The following RELN variants were observed in gnomAD, a reference collection of about 807,000 sequenced individuals.
The protein encoded by RELN is reelin.
Under a neutral mutation model 427.6 loss-of-function variants are expected in RELN, and 108 were observed. That is an observed-to-expected ratio of 0.25 (90% CI 0.22 to 0.30). The LOEUF is 0.30. Among genes scored for constraint, RELN ranks in the 10% least tolerant of loss-of-function variants. RELN has a pLI of 1.00. For synonymous variants in RELN, 1,524 were observed against 1,513.4 expected (o/e 1.01, Z -0.16); for missense variants, 3,715 against 4,302.8 (o/e 0.86, Z 3.82).
chr7:103,576,864 G>A (rs1831015174), intron 28 of RELN, among the ~76,000 whole-genome samples: 1 of 152,128 alleles, frequency 6.6e-6, no homozygotes, highest in Non-Finnish European at 1.5e-5. Flanking sequence ...CAATAGTTTT[G>A]AGGTTGCCAA....
At chr7:103,947,290 A>G (rs529995108) in intron 1 of RELN, among the ~76,000 whole-genome samples, 81 of 152,306 alleles carry the variant, frequency 5.3e-4, no homozygotes, top group African/African-American at 1.9e-3. Flanking sequence ...GGTTCCCTTC[A>G]AAGTAATCAT....
At chr7:103,723,217 TAAGAC>T (rs769721971) in intron 7 of RELN, 26 bp from the exon 8 acceptor site, 8 of 1,432,356 alleles carry the variant, frequency 5.6e-6, no homozygotes, top group Admixed American at 3.4e-5. Flanking sequence ...TACATAAAAA[TAAGAC>T]AAGACAGAGA....
intron 11 of RELN, among the ~76,000 whole-genome samples, chr7:103,668,748 T>G (rs1262938272): frequency 6.6e-6 from 1 of 152,220 alleles, no homozygotes; most frequent in African/African-American, 2.4e-5. Flanking sequence ...GAGCCTCTCT[T>G]GACGCATACA....
At chr7:103,915,095 A>T (rs1209077729) in intron 2 of RELN, among the ~76,000 whole-genome samples, 1 of 151,556 alleles carries the variant, frequency 6.6e-6, no homozygotes, top group Non-Finnish European at 1.5e-5. Context: ...AAGTCCAGCC[A>T]CTCCAAGGTT....
rs146922726 is a variant in RELN at position 103,697,995 on chromosome 7, C to A, written c.1001G>T (p.Arg334Leu). The change falls in exon 10 of 65, where the codon CGT (arginine) becomes CTT (leucine). Residue 334 changes from arginine (R) to leucine (L), a missense_variant. By Grantham distance (102) the Arg-to-Leu change is moderately radical. This residue lies in a region of RELN where 2,208 missense variants were observed against 2,361.7 expected (regional missense o/e 0.93). Transcript: ENST00000428762. ...VQFQWKQENL[R>L]VGEVYEACWA... Reference sequence around the variant, plus strand: ...GCAGGCTTCATACACTTCACCTACACGAAGATTTTCCTGCTTCCACTGAAA... The same window carrying A: ...GCAGGCTTCATACACTTCACCTACAAGAAGATTTTCCTGCTTCCACTGAAA... 5 of 1,613,774 alleles carry A rather than the reference C, an allele frequency of 3.1e-6. No individual in the cohort carries two copies. The highest frequency in any genetic ancestry group is 4.2e-6 in the Non-Finnish European group (5 of 1,179,810).
At chr7:103,562,379 T>C (rs2117179954) in intron 34 of RELN, among the ~76,000 whole-genome samples, 1 of 152,340 alleles carries the variant, frequency 6.6e-6, no homozygotes, top group East Asian at 1.9e-4. Context: ...GTGAGGTCTC[T>C]ATTTTACTGT....
intron 1 of RELN, among the ~76,000 whole-genome samples, chr7:103,982,859 C>G (rs1467629196): frequency 1.3e-5 from 2 of 152,152 alleles, no homozygotes; most frequent in African/African-American, 4.8e-5. Flanking sequence ...CTGGGTCTCA[C>G]TTCGTTGCTC....
At chr7:103,663,117 C>T (rs1833181255) in intron 11 of RELN, among the ~76,000 whole-genome samples, 1 of 152,238 alleles carries the variant, frequency 6.6e-6, no homozygotes, top group South Asian at 2.1e-4. Flanking sequence ...ATATCAAACA[C>T]CTTTCTGTAC....
At chr7:103,687,090 G>A (rs914034576) in intron 10 of RELN, among the ~76,000 whole-genome samples, 26 of 152,124 alleles carry the variant, frequency 1.7e-4, no homozygotes, top group African/African-American at 4.1e-4. Flanking sequence ...TTTGTACTAC[G>A]ATTTTTAAAG....
intron 4 of RELN, among the ~76,000 whole-genome samples, chr7:103,769,973 C>G (rs1372931931): frequency 6.6e-6 from 1 of 152,180 alleles, no homozygotes; most frequent in Non-Finnish European, 1.5e-5. Context: ...AGATACCTAC[C>G]CACAGAATTG....
chr7:103,712,048 A>G (rs891539227), intron 8 of RELN, among the ~76,000 whole-genome samples: 1 of 152,172 alleles, frequency 6.6e-6, no homozygotes, highest in African/African-American at 2.4e-5. Context: ...GCCAGAGAGA[A>G]CCAGAAACTT....
intron 2 of RELN, among the ~76,000 whole-genome samples, chr7:103,854,344 G>A (rs771441274): frequency 6.6e-6 from 1 of 152,138 alleles, no homozygotes; most frequent in Non-Finnish European, 1.5e-5. Context: ...TTAAAGTCAC[G>A]ATTGAATTAC....
chr7:103,780,863 T>A (rs988228336), intron 3 of RELN, among the ~76,000 whole-genome samples: 3 of 152,204 alleles, frequency 2.0e-5, no homozygotes, highest in Admixed American at 6.5e-5. Context: ...TTTGTCATAT[T>A]TCTTCCAATG....
At chr7:103,892,843 G>A (rs547723443) in intron 2 of RELN, among the ~76,000 whole-genome samples, 87 of 152,198 alleles carry the variant, frequency 5.7e-4, no homozygotes, top group African/African-American at 2.1e-3. Context: ...AGGCATGTAG[G>A]AAATAACATC....
At chr7:103,525,814 G>T (rs2256517) in intron 46 of RELN, among the ~76,000 whole-genome samples, 125,029 of 151,968 alleles carry the variant, frequency 0.82, 51,439 homozygotes, top group African/African-American at 0.85. Flanking sequence ...AAACTTTCTT[G>T]GTTCCCCTAA....
chr7:103,975,560 T>TATTTA lies in RELN; in HGVS notation c.226+13570_226+13571insTAAAT, dbSNP rs1554451172. Among the ~76,000 whole-genome samples the TATTTA allele has an allele frequency of 9.9e-5, 15 of 151,026 alleles. No homozygotes were observed. The East Asian group carries it at 2.7e-3, about 27-fold the overall frequency. On this transcript the variant is annotated intron_variant, in intron 1 of 64. Transcript: ENST00000428762. ...TTATTTATTTATTTATTTATTTATT[T>TATTTA]ATTTTGAGACGGAGTCTCGCTCTGT...
At chr7:103,720,625 T>C (rs1790052649) in intron 8 of RELN, among the ~76,000 whole-genome samples, 1 of 152,170 alleles carries the variant, frequency 6.6e-6, no homozygotes, top group South Asian at 2.1e-4. Flanking sequence ...TATAGTTTTT[T>C]ATAACATAAT....
At chr7:103,544,879 G>C (rs1175242983) in intron 42 of RELN, among the ~76,000 whole-genome samples, 1 of 152,276 alleles carries the variant, frequency 6.6e-6, no homozygotes, top group African/African-American at 2.4e-5. Context: ...GGTAGAAAAA[G>C]TTGTGAACAC....
intron 1 of RELN, among the ~76,000 whole-genome samples, chr7:103,963,687 G>A (rs920817227): frequency 6.6e-6 from 1 of 152,022 alleles, no homozygotes; most frequent in South Asian, 2.1e-4. Context: ...CATTCATTTT[G>A]TTTTCTCTAT....
Sources: gnomAD v4.1 joint callset for allele counts (sites outside exome capture counted in the v4.1 genomes callset) on GRCh38, gnomAD v4.1.1 for gene constraint, gnomAD v4.1.1 regional missense constraint, MANE v1.5 for transcripts, NCBI Gene and HGNC (gene_info 2026-07-23, HGNC 2026-07-21) for gene names.